The following CSMD1 variants were observed in gnomAD, a reference collection of about 807,000 sequenced individuals.
CSMD1 encodes CUB and sushi domain-containing protein 1.
Under a neutral mutation model 417.5 loss-of-function variants are expected in CSMD1, and 213 were observed. The observed-to-expected ratio is 0.51, with a 90% confidence interval of 0.46 to 0.57. CSMD1 has a LOEUF of 0.57. Ranked by LOEUF, CSMD1 falls within the 20% of genes least tolerant of loss-of-function variation. CSMD1 has a pLI of 0.00. For missense variants in CSMD1, 6,923 were observed against 4,529.7 expected (o/e 1.53, Z -15.17); for synonymous variants, 2,862 against 1,736.8 (o/e 1.65, Z -16.11).
At chr8:3,348,781 C>A (rs1376829444) in intron 21 of CSMD1, among the ~76,000 whole-genome samples, 1 of 152,174 alleles carries the variant, frequency 6.6e-6, no homozygotes, top group Non-Finnish European at 1.5e-5. Context: ...ACTTCTAGAT[C>A]TAAATTTGTA....
At chr8:4,196,302 T>C (rs1799337628) in intron 3 of CSMD1, among the ~76,000 whole-genome samples, 3 of 152,214 alleles carry the variant, frequency 2.0e-5, no homozygotes, top group African/African-American at 2.4e-5. Context: ...CGCTCATTTG[T>C]TCTATCGCTG....
chr8:4,573,585 A>T (rs992869627), intron 2 of CSMD1, among the ~76,000 whole-genome samples: 1 of 152,100 alleles, frequency 6.6e-6, no homozygotes, highest in Non-Finnish European at 1.5e-5. Context: ...TCTCCCAGTC[A>T]GGAGGTATGG....
intron 10 of CSMD1, among the ~76,000 whole-genome samples, chr8:3,533,170 C>G (rs1157081206): frequency 6.6e-6 from 1 of 152,076 alleles, no homozygotes; most frequent in Non-Finnish European, 1.5e-5. Flanking sequence ...AAATTCTGTG[C>G]CAAAAATTGT....
chr8:4,172,269 T>C (rs1797807696), intron 3 of CSMD1, among the ~76,000 whole-genome samples: 1 of 152,202 alleles, frequency 6.6e-6, no homozygotes, highest in African/African-American at 2.4e-5. Context: ...TCTGGAATCC[T>C]CTTTGTTTCC....
At chr8:3,286,434 G>C (rs1803164169) in intron 25 of CSMD1, among the ~76,000 whole-genome samples, 1 of 152,088 alleles carries the variant, frequency 6.6e-6, no homozygotes, top group South Asian at 2.1e-4. Flanking sequence ...CTAGTTTACA[G>C]TCCCACCAAG....
intron 42 of CSMD1, among the ~76,000 whole-genome samples, chr8:3,111,496 G>T (rs928410230): frequency 2.0e-5 from 3 of 152,246 alleles, no homozygotes; most frequent in African/African-American, 4.8e-5. Flanking sequence ...TAAATTCTAT[G>T]AGGTCAGGGT....
intron 2 of CSMD1, among the ~76,000 whole-genome samples, chr8:4,555,164 G>C (rs551281888): frequency 1.3e-5 from 2 of 152,184 alleles, no homozygotes; most frequent in East Asian, 3.8e-4. Context: ...CATTTGAAAA[G>C]ATCATTCTGA....
intron 7 of CSMD1, among the ~76,000 whole-genome samples, chr8:3,670,997 T>C (rs1170852181): frequency 3.7e-5 from 5 of 136,252 alleles, no homozygotes; most frequent in South Asian, 2.4e-4. Flanking sequence ...ATGGGATATA[T>C]ATGTATGGGA....
Position 3,648,373 on chromosome 8 carries a change from A to C in CSMD1, c.1010-31576T>G, listed in dbSNP as rs770588310. Among the ~76,000 whole-genome samples, 83 of 152,198 alleles carry C rather than the reference A, an allele frequency of 5.5e-4. 2 individuals carry two copies. The highest frequency in any genetic ancestry group is 5.9e-4 in the Admixed American group (9 of 15,282). ...TTGGTCATGACAGAGAAATTTTCAA[A>C]TTAAGACTTTGTGAGACTGACATGC... On this transcript the variant is annotated intron_variant, in intron 7 of 69. Coordinates refer to ENST00000635120, the MANE Select transcript of CSMD1 (RefSeq NM_033225.6).
chr8:4,841,862 G>C (rs187377131), intron 1 of CSMD1, among the ~76,000 whole-genome samples: 1 of 122,994 alleles, frequency 8.1e-6, no homozygotes, highest in East Asian at 2.7e-4. Flanking sequence ...AGTGAGCCGA[G>C]ATCGCACCGT....
chr8:4,154,338 G>A (rs752233528), intron 3 of CSMD1, among the ~76,000 whole-genome samples: 3 of 152,178 alleles, frequency 2.0e-5, no homozygotes, highest in East Asian at 3.9e-4. Context: ...TGTAGTCCAG[G>A]AGTATTCAGT....
At chr8:4,457,348 T>A (rs763446570) in intron 2 of CSMD1, among the ~76,000 whole-genome samples, 1 of 151,692 alleles carries the variant, frequency 6.6e-6, no homozygotes. Flanking sequence ...CGGAGAGGGG[T>A]TTGCGGAGGA....
intron 2 of CSMD1, among the ~76,000 whole-genome samples, chr8:4,490,869 A>T (rs1280805275): frequency 2.0e-5 from 3 of 152,240 alleles, no homozygotes; most frequent in Non-Finnish European, 4.4e-5. Context: ...ACAGGACGTG[A>T]TTTAATACAC....
intron 12 of CSMD1, among the ~76,000 whole-genome samples, chr8:3,424,324 C>G (rs947212664): frequency 6.6e-6 from 1 of 152,176 alleles, no homozygotes; most frequent in Non-Finnish European, 1.5e-5. Context: ...TACAATCTGA[C>G]TTAATAATCT....
intron 25 of CSMD1, among the ~76,000 whole-genome samples, chr8:3,293,678 C>T (rs1238335947): frequency 2.0e-5 from 3 of 152,204 alleles, no homozygotes; most frequent in Non-Finnish European, 4.4e-5. Context: ...TCAGCTACAT[C>T]AGGTCCTTTA....
chr8:3,917,770 A>C (rs981038135), intron 5 of CSMD1, among the ~76,000 whole-genome samples: 2 of 152,156 alleles, frequency 1.3e-5, no homozygotes, highest in Admixed American at 6.5e-5. Flanking sequence ...CACCTGCCAA[A>C]GATTCCCCCC....
At chr8:3,926,097 ACACACACACACACACACAC>A (rs1809683932) in intron 5 of CSMD1, among the ~76,000 whole-genome samples, 1 of 81,672 alleles carries the variant, frequency 1.2e-5, no homozygotes, top group African/African-American at 5.3e-5. Context: ...ACACACACAC[ACACACACACACACACACAC>A]ACACACACAC....
chr8:3,789,334 G>C (rs114000181), intron 5 of CSMD1, among the ~76,000 whole-genome samples: 2,706 of 150,298 alleles, frequency 0.018, 81 homozygotes, highest in African/African-American at 0.061. Flanking sequence ...GACTAATACA[G>C]AGAATAATGT....
chr8:4,020,728 T>C (rs1354049115), intron 4 of CSMD1, among the ~76,000 whole-genome samples: 2 of 152,250 alleles, frequency 1.3e-5, no homozygotes, highest in Non-Finnish European at 2.9e-5. Flanking sequence ...AAGTCTTCTG[T>C]AATCTTCATT....
Sources: allele counts gnomAD v4.1 joint callset (sites outside exome capture counted in the v4.1 genomes callset), GRCh38; gene constraint gnomAD v4.1.1; transcripts MANE v1.5; gene names NCBI Gene and HGNC (gene_info 2026-07-23, HGNC 2026-07-21).